EMC1: variants seen among roughly 807,000 people sequenced by gnomAD.
EMC1 encodes ER membrane protein complex subunit 1.
A neutral mutation model predicts 128.8 loss-of-function variants in EMC1; 103 were observed. The observed-to-expected ratio is 0.80, with a 90% CI of 0.68 to 0.94. The LOEUF (loss-of-function observed/expected upper bound fraction) is 0.94. Ranked by LOEUF, EMC1 falls within the 40% of genes least tolerant of loss-of-function variation. The pLI is 0.00. For synonymous variants in EMC1, 442 were observed against 490.4 expected (o/e 0.90, Z 1.30); for missense variants, 1,083 against 1,250.6 (o/e 0.87, Z 2.02).
At chr1:19,243,410 C>T (rs710883) in intron 4 of EMC1, among the ~76,000 whole-genome samples, 3,756 of 152,282 alleles carry the variant, frequency 0.025, 156 homozygotes, top group African/African-American at 0.086. Context: ...CAAGCGCAAA[C>T]ATTGCACCTA....
chr1:19,237,985 A>G (rs750508961), intron 11 of EMC1, 32 bp downstream of exon 11: 2 of 1,609,024 alleles, frequency 1.2e-6, no homozygotes, highest in African/African-American at 2.7e-5. Flanking sequence ...AGAAGCCCAC[A>G]GGACAGTCTG....
At chr1:19,232,910 G>C (rs2093534834) in intron 14 of EMC1, 26 bp downstream of exon 14, 3 of 1,612,262 alleles carry the variant, frequency 1.9e-6, no homozygotes, top group Non-Finnish European at 1.7e-6. Context: ...AAAAGGTTCA[G>C]TAACTGGAGC....
intron 21 of EMC1, 154 bp from the exon 22 acceptor site, chr1:19,219,852 C>CTGAA: frequency 1.4e-6 from 1 of 723,720 alleles, no homozygotes; most frequent in South Asian, 1.9e-5. Context: ...AATTTAGCAG[C>CTGAA]TGAATGTTAG....
At chr1:19,250,267 TCC>T (rs989548432) in intron 1 of EMC1, among the ~76,000 whole-genome samples, 4 of 142,976 alleles carry the variant, frequency 2.8e-5, no homozygotes, top group African/African-American at 1.1e-4. Context: ...AGAGTCCTTT[TCC>T]CCCCTCATCA....
chr1:19,240,235 C>G, intron 7 of EMC1, 62 bp downstream of exon 7: 1 of 1,601,142 alleles, frequency 6.2e-7, no homozygotes, highest in Non-Finnish European at 8.5e-7. Flanking sequence ...GGGAATCATG[C>G]CAAACTTTCT....
intron 13 of EMC1, 103 bp from the exon 14 acceptor site, chr1:19,233,238 A>G: frequency 4.0e-6 from 4 of 995,564 alleles, no homozygotes; most frequent in Middle Eastern, 6.2e-4. Context: ...CTGGAGCAAT[A>G]AAGTCCACAC....
At chr1:19,220,707 C>T (rs1484038564) in intron 21 of EMC1, 57 bp downstream of exon 21, 2 of 1,358,678 alleles carry the variant, frequency 1.5e-6, no homozygotes, top group African/African-American at 2.9e-5. Flanking sequence ...CAAGCTTAAT[C>T]AGTGAGGTTA....
In EMC1 at chr1:19,244,997, G is replaced by A. The variant is rs745528706; in HGVS notation, c.129C>T (p.Ala43=). Reference sequence around the variant, plus strand: ...TGGATCCAGGGGAAAATTCCAAGGAGGCAAACTTGACCTTCCCAACATATT... The same window carrying A: ...TGGATCCAGGGGAAAATTCCAAGGAAGCAAACTTGACCTTCCCAACATATT... ...RQQYVGKVKF[A]SLEFSPGSKK... Residue 43 remains alanine, a synonymous_variant, in exon 2 of 23, where the codon GCC becomes GCT. Coordinates refer to ENST00000477853, the MANE Select transcript of EMC1 (RefSeq NM_015047.3). 6 of 1,613,800 alleles carry A rather than the reference G, an allele frequency of 3.7e-6. No individual in the cohort carries two copies. Among genetic ancestry groups the A allele is most frequent in the Non-Finnish European group, 5.1e-6 (6 of 1,179,906 alleles).
intron 4 of EMC1, 152 bp downstream of exon 4, chr1:19,243,462 G>A: frequency 3.0e-6 from 2 of 676,466 alleles, no homozygotes; most frequent in Non-Finnish European, 5.2e-6. Flanking sequence ...TGTTGGCTGA[G>A]CAAGCATATC....
In EMC1 at chr1:19,219,917, T is replaced by C; in HGVS notation, c.2673-219A>G. 7.4e-6 allele frequency: 4 copies of C among 539,490 alleles called. No individual in the cohort carries two copies. In the South Asian group the frequency reaches 1.0e-4, roughly 13 times the overall value. 33.4% of individuals were successfully genotyped at this position (539,490 alleles called of 1,614,324 possible). A position where few individuals can be genotyped will look rare whatever the true frequency, so the allele number is the denominator to read the frequency against. ...AGAGTAAGACTGAGATCTAGATTCC[T>C]ACTTTGTTCTAAATCTGAAAAGAAA... On this transcript the variant is annotated intron_variant, in intron 21 of 22. Transcript: ENST00000477853.
chr1:19,239,755 T>G (rs2093592334), intron 8 of EMC1, 63 bp downstream of exon 8: 1 of 1,545,688 alleles, frequency 6.5e-7, no homozygotes, highest in South Asian at 1.1e-5. Context: ...AAGCACTGCC[T>G]TCTAGCATCC....
intron 12 of EMC1, among the ~76,000 whole-genome samples, chr1:19,235,479 G>C (rs1197640912): frequency 1.3e-5 from 2 of 152,240 alleles, no homozygotes; most frequent in African/African-American, 4.8e-5. Context: ...AAGGCGGGCA[G>C]ATCACGAGGT....
At chr1:19,240,995 G>C (rs2093602456) in intron 6 of EMC1, 21 bp downstream of exon 6, 4 of 1,611,976 alleles carry the variant, frequency 2.5e-6, no homozygotes, top group Non-Finnish European at 3.4e-6. Flanking sequence ...TTATTCACAG[G>C]CTCCTGTCAC....
intron 21 of EMC1, 56 bp from the exon 22 acceptor site, chr1:19,219,754 G>C: frequency 6.2e-7 from 1 of 1,601,736 alleles, no homozygotes; most frequent in Non-Finnish European, 8.5e-7. Flanking sequence ...GGGATCTCTT[G>C]GCTGCCCTTC....
rs1285479332 is a variant in EMC1, at chr1:19,242,329, G to A, written c.509+16C>T. ...GTAGAACGAGGCAGCTATTGCCTGT[G>A]AGCAGGCAGCCTTACCTTTCTGGGA... On this transcript the variant is annotated intron_variant, in intron 5 of 22. Coordinates refer to ENST00000477853, the MANE Select transcript of EMC1 (RefSeq NM_015047.3). The A allele has an allele frequency of 1.2e-6, 2 of 1,613,490 alleles. No homozygotes were observed. The highest frequency in any genetic ancestry group is 3.3e-5 in the Admixed American group (2 of 60,018).
In EMC1 at chr1:19,242,332, C is replaced by T. The variant is rs745934399; in HGVS notation, c.509+13G>A. On this transcript the variant is annotated intron_variant, in intron 5 of 22. Coordinates refer to ENST00000477853, the MANE Select transcript of EMC1 (RefSeq NM_015047.3). ...GAACGAGGCAGCTATTGCCTGTGAG[C>T]AGGCAGCCTTACCTTTCTGGGAGAT... 3.7e-5 allele frequency: 60 copies of T among 1,613,952 alleles called. No homozygotes were observed. The highest frequency in any genetic ancestry group is 4.7e-5 in the Non-Finnish European group (56 of 1,179,952).
intron 17 of EMC1, among the ~76,000 whole-genome samples, chr1:19,228,762 A>C (rs76596805): frequency 6.6e-6 from 1 of 152,172 alleles, no homozygotes; most frequent in African/African-American, 2.4e-5. Flanking sequence ...AGAAAAAAAA[A>C]TAAAATGGGC....
intron 17 of EMC1, among the ~76,000 whole-genome samples, chr1:19,228,601 G>C (rs936639735): frequency 1.3e-5 from 2 of 151,984 alleles, no homozygotes; most frequent in African/African-American, 4.8e-5. Flanking sequence ...CTTGGTGAGG[G>C]TTCACTGAGC....
chr1:19,238,078 C>T lies in EMC1; in HGVS notation c.1151G>A (p.Arg384Gln), dbSNP rs751544107. ...TINLYLVETG[R>Q]RLLDTTITFS... Reference sequence around the variant, plus strand: ...TGTTATCGTGGTGTCCAGCAGCCGCCGACCTGTCTCCACGAGGTATAGGTT... The same window carrying T: ...TGTTATCGTGGTGTCCAGCAGCCGCTGACCTGTCTCCACGAGGTATAGGTT... Residue 384 changes from arginine (R) to glutamine (Q), a missense_variant, in exon 11 of 23, where the codon CGG (arginine) becomes CAG (glutamine). Arg to Gln is a conservative substitution (Grantham distance 43). Transcript: ENST00000477853. 10 of 1,614,098 alleles carry T rather than the reference C, an allele frequency of 6.2e-6. No individual in the cohort carries two copies. Among genetic ancestry groups the T allele is most frequent in the South Asian group, 3.3e-5 (3 of 91,036 alleles).
Sources: gnomAD v4.1 joint callset for allele counts (sites outside exome capture counted in the v4.1 genomes callset) on GRCh38, gnomAD v4.1.1 for gene constraint, MANE v1.5 for transcripts, NCBI Gene and HGNC (gene_info 2026-07-23, HGNC 2026-07-21) for gene names.